LUZP1: variants seen among roughly 807,000 people sequenced by gnomAD.
The protein encoded by LUZP1 is leucine zipper protein 1, also known as filamin mechanobinding actin cross-linking protein.
A neutral mutation model predicts 71.3 loss-of-function variants in LUZP1; 25 were observed. The ratio of observed to expected loss-of-function variants is 0.35; its 90% CI spans 0.26 to 0.49. The LOEUF (loss-of-function observed/expected upper bound fraction) is 0.49. Ranked by LOEUF, LUZP1 falls within the 20% of genes least tolerant of loss-of-function variation. The pLI is 0.99. For synonymous variants in LUZP1, 481 were observed against 506.4 expected (o/e 0.95, Z 0.67); for missense variants, 1,142 against 1,300.8 (o/e 0.88, Z 1.88).
At chr1:23,169,216 G>C (rs551586660) in intron 1 of LUZP1, among the ~76,000 whole-genome samples, 1 of 152,162 alleles carries the variant, frequency 6.6e-6, no homozygotes, top group South Asian at 2.1e-4. Context: ...AAAATTAGCC[G>C]GGAGTGGTGG....
rs1404416642 is a variant in LUZP1 at position 23,091,156 on chromosome 1, A to G, written c.3072+34T>C. ...AAAGGCAAAGAAGGAAAAGGGAGGG[A>G]GAAAAGAGAGAGGGGAGAGAGGCTG... On this transcript the variant is annotated intron_variant, in intron 4 of 4. Coordinates refer to ENST00000302291, the Ensembl canonical transcript of LUZP1. The G allele has an allele frequency of 6.4e-6, 10 of 1,554,710 alleles. No individual in the cohort carries two copies. The East Asian group carries it at 2.1e-4, about 32-fold the overall frequency.
intron 3 of LUZP1, among the ~76,000 whole-genome samples, chr1:23,097,573 G>A (rs947715455): frequency 2.0e-5 from 3 of 152,134 alleles, no homozygotes; most frequent in African/African-American, 4.8e-5. Context: ...TTAAGAAGCC[G>A]AGTGCAATGA....
At chr1:23,159,733 C>T (rs1029087510) in intron 2 of LUZP1, among the ~76,000 whole-genome samples, 18 of 152,266 alleles carry the variant, frequency 1.2e-4, no homozygotes, top group Admixed American at 7.8e-4. Context: ...GCCTGTAATC[C>T]CAACACTTTG....
chr1:23,100,490 C>A (rs950693478), intron 3 of LUZP1, among the ~76,000 whole-genome samples: 3 of 152,198 alleles, frequency 2.0e-5, no homozygotes, highest in African/African-American at 7.2e-5. Context: ...CTATGCCACA[C>A]AAACAGGACA....
At chr1:23,142,740 C>T (rs971075501) in intron 2 of LUZP1, among the ~76,000 whole-genome samples, 1 of 149,680 alleles carries the variant, frequency 6.7e-6, no homozygotes, top group Non-Finnish European at 1.5e-5. Flanking sequence ...CACACACACA[C>T]ACACACACAC....
chr1:23,092,131 C>G, exon 4 of LUZP1: 2 of 1,614,168 alleles, frequency 1.2e-6, no homozygotes, highest in Non-Finnish European at 8.5e-7. Context: ...TCCATTCCAG[C>G]ATCTTTATCA....
At chr1:23,092,845 C>T (rs145669088) in exon 4 of LUZP1, 48 of 1,613,744 alleles carry the variant, frequency 3.0e-5, no homozygotes, top group Non-Finnish European at 3.6e-5. Context: ...CGACTCAGCA[C>T]TGAGGGCTGC....
intron 2 of LUZP1, among the ~76,000 whole-genome samples, chr1:23,138,661 G>GTT (rs1491152234): frequency 2.6e-5 from 3 of 114,076 alleles, no homozygotes; most frequent in Non-Finnish European, 5.3e-5. Flanking sequence ...TGGATTATGT[G>GTT]TTTGTGTGTG....
chr1:23,087,981 G>C (rs759366580), exon 5 of LUZP1: 1 of 152,564 alleles, frequency 6.6e-6, no homozygotes, highest in Admixed American at 6.5e-5. Context: ...GTGACTAAAG[G>C]GGTCTGCTTT....
At chr1:23,160,400 C>T (rs1644454843) in intron 2 of LUZP1, among the ~76,000 whole-genome samples, 1 of 152,156 alleles carries the variant, frequency 6.6e-6, no homozygotes, top group Non-Finnish European at 1.5e-5. Context: ...GAACATTAAA[C>T]AAGCACTGAT....
At chr1:23,090,993 G>T in intron 4 of LUZP1, 197 bp downstream of exon 3, 1 of 724,542 alleles carries the variant, frequency 1.4e-6, no homozygotes, top group Non-Finnish European at 2.5e-6. Context: ...AAGGGATTTT[G>T]GAAAGTGATG....
chr1:23,107,202 G>C (rs1643989583), intron 3 of LUZP1, among the ~76,000 whole-genome samples: 1 of 152,148 alleles, frequency 6.6e-6, no homozygotes, highest in Non-Finnish European at 1.5e-5. Flanking sequence ...GGCCTTCCTT[G>C]ATTGCTGTAC....
intron 2 of LUZP1, among the ~76,000 whole-genome samples, chr1:23,141,741 AAGATCATAGTTCACTGG>A (rs1157815319): frequency 6.6e-6 from 1 of 152,126 alleles, no homozygotes; most frequent in Non-Finnish European, 1.5e-5. Flanking sequence ...GAGCAGGGGC[AAGATCATAGTTCACTGG>A]AGCCTTGACC....
At chr1:23,140,568 G>A (rs74902245) in intron 2 of LUZP1, 26,506 of 152,166 alleles carry the variant, frequency 0.17, 2,456 homozygotes, top group Middle Eastern at 0.3. Flanking sequence ...TGGTGCCAGC[G>A]CTAAAAGTCC....
chr1:23,153,884 C>T (rs1206949323), intron 2 of LUZP1, among the ~76,000 whole-genome samples: 2 of 151,876 alleles, frequency 1.3e-5, no homozygotes, highest in Non-Finnish European at 2.9e-5. Flanking sequence ...CTGCAGCCCC[C>T]GCCTGGGCAA....
intron 3 of LUZP1, among the ~76,000 whole-genome samples, chr1:23,099,126 A>C (rs1273640688): frequency 6.6e-6 from 1 of 152,134 alleles, no homozygotes; most frequent in Non-Finnish European, 1.5e-5. Flanking sequence ...AAAAACGGAG[A>C]GGGAAAAAAC....
chr1:23,177,767 C>G (rs1644591888), exon 1 of LUZP1: 1 of 152,170 alleles, frequency 6.6e-6, no homozygotes, highest in Non-Finnish European at 1.5e-5. Context: ...CGCCGCCAGC[C>G]GGCCGCGGGC....
intron 3 of LUZP1, among the ~76,000 whole-genome samples, chr1:23,105,399 G>A (rs1212511149): frequency 2.0e-5 from 3 of 152,112 alleles, no homozygotes; most frequent in Admixed American, 6.6e-5. Context: ...TGCAGGCAAC[G>A]TGATACAATG....
chr1:23,125,102 T>C, intron 2 of LUZP1, among the ~76,000 whole-genome samples: 1 of 152,138 alleles, frequency 6.6e-6, no homozygotes, highest in East Asian at 1.9e-4. Flanking sequence ...CCAAGGAAGT[T>C]AGAAAACCCT....
Sources: allele counts gnomAD v4.1 joint callset (sites outside exome capture counted in the v4.1 genomes callset), GRCh38; gene constraint gnomAD v4.1.1; transcripts MANE v1.5; gene names NCBI Gene and HGNC (gene_info 2026-07-23, HGNC 2026-07-21).